The following ORC4 variants were observed in gnomAD, a reference collection of about 807,000 sequenced individuals.
ORC4 encodes the protein origin recognition complex, subunit 4 homolog.
A neutral mutation model predicts 63.9 loss-of-function variants in ORC4; 55 were observed. The observed-to-expected ratio is 0.86, with a 90% confidence interval of 0.69 to 1.08. The LOEUF (loss-of-function observed/expected upper bound fraction) is 1.08, where lower values mean the gene tolerates loss of function less well. Among genes scored for constraint, ORC4 ranks in the 50% least tolerant of loss-of-function variants. ORC4 has a pLI of 0.00. For missense variants in ORC4, 511 were observed against 504.4 expected, an observed-to-expected ratio of 1.01 and a Z score of -0.13; for synonymous variants, 150 against 168.5, an observed-to-expected ratio of 0.89 and a Z score of 0.85.
At chr2:147,965,688 T>C (rs1689855784) in intron 4 of ORC4, among the ~76,000 whole-genome samples, 1 of 152,142 alleles carries the variant, frequency 6.6e-6, no homozygotes, top group South Asian at 2.1e-4. Flanking sequence ...CAAAGAGACA[T>C]TGAATTTGAA....
chr2:147,996,302 C>T (rs570759892), intron 1 of ORC4, among the ~76,000 whole-genome samples: 1 of 151,900 alleles, frequency 6.6e-6, no homozygotes, highest in East Asian at 1.9e-4. Context: ...GACTCCATCT[C>T]AAAAAACAAA....
chr2:148,008,844 C>T (rs1294103044), intron 1 of ORC4, among the ~76,000 whole-genome samples: 2 of 152,096 alleles, frequency 1.3e-5, no homozygotes, highest in Non-Finnish European at 2.9e-5. Flanking sequence ...TAAGGGTGCA[C>T]CCTTCTATAT....
intron 1 of ORC4, among the ~76,000 whole-genome samples, chr2:147,999,020 T>C (rs887992770): frequency 1.3e-5 from 2 of 152,234 alleles, no homozygotes; most frequent in Non-Finnish European, 2.9e-5. Context: ...TTTCTACTTA[T>C]GCATTTAGTA....
Position 147,939,253 on chromosome 2 carries a change from G to T in ORC4, c.850-5C>A. ...TACTCGATTTAAAGCAAGCATCTAGGGAAAGACAGATCAGAAAAACAATTA... is the reference window on the plus strand; with the variant it reads ...TACTCGATTTAAAGCAAGCATCTAGTGAAAGACAGATCAGAAAAACAATTA... On this transcript the variant is annotated splice_polypyrimidine_tract_variant and splice_region_variant and intron_variant, in intron 10 of 13. Coordinates refer to ENST00000392857, the MANE Select transcript of ORC4 (RefSeq NM_181741.4). 6.3e-7 allele frequency: 1 copy of T among 1,582,218 alleles called. No homozygotes were observed.
At position 147,949,550 on chromosome 2, in the gene ORC4, A is replaced by C. The variant is rs1688840459; in HGVS notation, c.589-1326T>G. Reference sequence around the variant, plus strand: ...TGTATAATTTAAATGAGTGAGTTGTATGGTATAAATTACATCTCAATAAAG... The same window carrying C: ...TGTATAATTTAAATGAGTGAGTTGTCTGGTATAAATTACATCTCAATAAAG... On this transcript the variant is annotated intron_variant, in intron 8 of 13. Coordinates refer to ENST00000392857, the MANE Select transcript of ORC4 (RefSeq NM_181741.4). Among the ~76,000 whole-genome samples, 4 of 152,294 alleles carry C rather than the reference A, an allele frequency of 2.6e-5. No individual in the cohort carries two copies. In the South Asian group the frequency reaches 8.3e-4, roughly 32 times the overall value.
At chr2:147,967,958 C>A (rs982731777) in intron 4 of ORC4, among the ~76,000 whole-genome samples, 1 of 151,898 alleles carries the variant, frequency 6.6e-6, no homozygotes, top group African/African-American at 2.4e-5. Flanking sequence ...ACATGTAGAC[C>A]AATAGAACAG....
intron 8 of ORC4, among the ~76,000 whole-genome samples, chr2:147,949,792 T>C (rs1024196442): frequency 2.6e-5 from 4 of 152,200 alleles, no homozygotes; most frequent in African/African-American, 7.2e-5. Context: ...TCTGTAGTAA[T>C]TGAATCTTGG....
intron 8 of ORC4, among the ~76,000 whole-genome samples, chr2:147,950,853 C>G (rs1162596070): frequency 6.6e-6 from 1 of 151,734 alleles, no homozygotes; most frequent in Admixed American, 6.6e-5. Flanking sequence ...AAAAGAACAT[C>G]TGATAACACT....
chr2:147,994,590 AG>A (rs1425939716), intron 1 of ORC4, among the ~76,000 whole-genome samples: 21 of 152,396 alleles, frequency 1.4e-4, no homozygotes, highest in African/African-American at 4.8e-4. Context: ...AATGGAGAAA[AG>A]AACAATCTTT....
intron 1 of ORC4, among the ~76,000 whole-genome samples, chr2:147,998,216 A>C (rs1164578040): frequency 6.9e-6 from 1 of 144,242 alleles, no homozygotes; most frequent in African/African-American, 2.6e-5. Flanking sequence ...GTGCAAGTGA[A>C]AAGCCAACAG....
chr2:147,947,407 C>T (rs1688719566), intron 9 of ORC4, among the ~76,000 whole-genome samples: 1 of 152,018 alleles, frequency 6.6e-6, no homozygotes, highest in East Asian at 1.9e-4. Context: ...AACTTTTTGA[C>T]AGCGTAAGAT....
At chr2:147,948,253 G>A (rs368203955) in intron 8 of ORC4, 29 bp from the exon 9 acceptor site, 3 of 1,500,824 alleles carry the variant, frequency 2.0e-6, no homozygotes, top group Non-Finnish European at 9.2e-7. Context: ...TCTCTATAAG[G>A]AAGATGAATG....
intron 4 of ORC4, among the ~76,000 whole-genome samples, chr2:147,963,726 T>C (rs534304137): frequency 7.9e-4 from 120 of 152,218 alleles, no homozygotes; most frequent in Non-Finnish European, 1.2e-3. Context: ...ACCCACCATA[T>C]GCATGCATAT....
intron 1 of ORC4, among the ~76,000 whole-genome samples, chr2:147,984,946 A>G (rs1343318111): frequency 2.6e-5 from 4 of 152,162 alleles, no homozygotes; most frequent in Non-Finnish European, 5.9e-5. Flanking sequence ...TGGCTTATTT[A>G]TTGTAATTCT....
chr2:147,961,386 T>C (rs992772015), intron 4 of ORC4, among the ~76,000 whole-genome samples: 5 of 149,504 alleles, frequency 3.3e-5, no homozygotes, highest in Non-Finnish European at 7.4e-5. Context: ...GCAGTGAGTC[T>C]AGATCGTGCC....
At position 147,952,439 on chromosome 2, in the gene ORC4, A is replaced by G. The variant is rs371233072; in HGVS notation, c.522T>C (p.Tyr174=). The change falls in exon 8 of 14, where the codon TAT becomes TAC. Residue 174 remains tyrosine, a synonymous_variant. Transcript: ENST00000392857. ...CAGACTGAGAAATGTCAAAAAGATTATAGAGAAGTGTTTGGTTTTTATGAT... is the reference window on the plus strand; with the variant it reads ...CAGACTGAGAAATGTCAAAAAGATTGTAGAGAAGTGTTTGGTTTTTATGAT... ...FAHHKNQTLL[Y]NLFDISQSAQ... 2.5e-6 allele frequency: 4 copies of G among 1,610,470 alleles called. No individual in the cohort carries two copies. The highest frequency in any genetic ancestry group is 2.5e-6 in the Non-Finnish European group (3 of 1,176,776).
intron 1 of ORC4, among the ~76,000 whole-genome samples, chr2:147,985,457 A>T (rs1691147872): frequency 6.6e-6 from 1 of 152,202 alleles, no homozygotes; most frequent in Non-Finnish European, 1.5e-5. Context: ...CGGCCTCCCA[A>T]GGTGCTGGGA....
chr2:147,950,893 C>T (rs1197343216), intron 8 of ORC4, among the ~76,000 whole-genome samples: 1 of 151,930 alleles, frequency 6.6e-6, no homozygotes, highest in Admixed American at 6.6e-5. Context: ...TTTATTTGGT[C>T]CGTTATTGGG....
chr2:147,986,853 C>CA (rs1354238176), intron 1 of ORC4, among the ~76,000 whole-genome samples: 1 of 146,838 alleles, frequency 6.8e-6, no homozygotes, highest in Non-Finnish European at 1.5e-5. Flanking sequence ...AAACTAAAAC[C>CA]AAAAAAAGGT....
Sources: gnomAD v4.1 joint callset for allele counts (sites outside exome capture counted in the v4.1 genomes callset) on GRCh38, gnomAD v4.1.1 for gene constraint, MANE v1.5 for transcripts, NCBI Gene and HGNC (gene_info 2026-07-23, HGNC 2026-07-21) for gene names.